The following RIT2 variants were observed in gnomAD, a reference collection of about 807,000 sequenced individuals.
The protein encoded by RIT2 is GTP-binding protein Rit2.
In RIT2, 24 loss-of-function variants were observed where a neutral mutation model predicts 23.7. The observed-to-expected ratio is 1.01, with a 90% CI of 0.73 to 1.43. RIT2 has a LOEUF of 1.43. RIT2 is among the 40% of genes most tolerant of loss of function. RIT2 has a pLI of 0.00. For synonymous variants in RIT2, 107 were observed against 91.1 expected (o/e 1.17, Z -0.99); for missense variants, 236 against 266.9 (o/e 0.88, Z 0.81).
At chr18:42,914,291 C>G (rs905614995) in intron 4 of RIT2, among the ~76,000 whole-genome samples, 1 of 152,032 alleles carries the variant, frequency 6.6e-6, no homozygotes, top group African/African-American at 2.4e-5. Context: ...TTTGCTCTTG[C>G]GCATTTATTC....
chr18:42,750,910 G>T (rs1414718064), intron 4 of RIT2, among the ~76,000 whole-genome samples: 1 of 151,750 alleles, frequency 6.6e-6, no homozygotes, highest in Non-Finnish European at 1.5e-5. Context: ...AAATAGAGAA[G>T]AAATATTTGA....
chr18:43,113,500 G>A (rs1220180483), intron 1 of RIT2, among the ~76,000 whole-genome samples: 1 of 152,146 alleles, frequency 6.6e-6, no homozygotes, highest in Non-Finnish European at 1.5e-5. Context: ...GAGCAAGCCA[G>A]GCCACTCTGT....
chr18:42,837,330 G>A (rs1259115902), intron 4 of RIT2, among the ~76,000 whole-genome samples: 1 of 151,416 alleles, frequency 6.6e-6, no homozygotes, highest in East Asian at 1.9e-4. Flanking sequence ...ACCAAGCCTG[G>A]ATAACTTTTG....
Position 42,905,769 on chromosome 18 carries a change from G to A in RIT2, c.426+17803C>T, listed in dbSNP as rs144906294. 7.3e-5 allele frequency among the ~76,000 whole-genome samples: 11 copies of A among 151,610 alleles called. 1 individual carries two copies. The highest frequency in any genetic ancestry group is 2.0e-4 in the Admixed American group (3 of 15,184). On this transcript the variant is annotated intron_variant, in intron 4 of 4. Transcript: ENST00000326695. ...ATTACAGGCGTGAGCCACCGTGCCC[G>A]GCCAAACACATGTATTTTTGATATT...
chr18:42,986,557 A>G (rs1424061300), intron 2 of RIT2, among the ~76,000 whole-genome samples: 2 of 152,064 alleles, frequency 1.3e-5, no homozygotes, highest in East Asian at 3.9e-4. Context: ...GCGGGAGTGC[A>G]GTGGCATGAT....
intron 4 of RIT2, among the ~76,000 whole-genome samples, chr18:42,799,372 T>C (rs992400791): frequency 6.6e-6 from 1 of 152,206 alleles, no homozygotes; most frequent in African/African-American, 2.4e-5. Context: ...TCATAAATAA[T>C]CATCTTTCAT....
In RIT2 at chr18:43,036,128, G is replaced by C. The variant is rs956795337; in HGVS notation, c.104-2261C>G. Among the ~76,000 whole-genome samples, 4 of 152,296 alleles carry C rather than the reference G, an allele frequency of 2.6e-5. No homozygotes were observed. In the South Asian group the frequency reaches 8.3e-4, roughly 32 times the overall value. ...AGAAATTTTGAACAAATTTAAGAAA[G>C]AAGATATGAAAGCATTTTAATAAAT... On this transcript the variant is annotated intron_variant, in intron 1 of 4. Coordinates refer to ENST00000326695, the MANE Select transcript of RIT2 (RefSeq NM_002930.4).
intron 1 of RIT2, among the ~76,000 whole-genome samples, chr18:43,042,474 G>C (rs1469367314): frequency 6.6e-6 from 1 of 152,104 alleles, no homozygotes; most frequent in African/African-American, 2.4e-5. Flanking sequence ...CTTTGTTGGT[G>C]CTTCTACCTC....
intron 1 of RIT2, among the ~76,000 whole-genome samples, chr18:43,035,013 T>A (rs1911942697): frequency 6.6e-6 from 1 of 152,240 alleles, no homozygotes; most frequent in South Asian, 2.1e-4. Context: ...ATGGAAATAG[T>A]TCCTGGATTA....
intron 4 of RIT2, among the ~76,000 whole-genome samples, chr18:42,899,126 T>C (rs1486085005): frequency 6.6e-6 from 1 of 151,932 alleles, no homozygotes; most frequent in Non-Finnish European, 1.5e-5. Flanking sequence ...CATCTATTGG[T>C]TATTCTTTTT....
chr18:43,056,364 C>A (rs1055082202), intron 1 of RIT2, among the ~76,000 whole-genome samples: 5 of 152,076 alleles, frequency 3.3e-5, no homozygotes, highest in Admixed American at 2.0e-4. Context: ...TCAAAAAAAA[C>A]GATGAAAGTA....
intron 3 of RIT2, among the ~76,000 whole-genome samples, chr18:42,967,152 C>A (rs1215504400): frequency 6.6e-6 from 1 of 151,770 alleles, no homozygotes; most frequent in Non-Finnish European, 1.5e-5. Flanking sequence ...AGAAATATAT[C>A]CTTTATGATA....
intron 4 of RIT2, among the ~76,000 whole-genome samples, chr18:42,782,793 A>G (rs1913840963): frequency 6.6e-6 from 1 of 152,150 alleles, no homozygotes; most frequent in Non-Finnish European, 1.5e-5. Flanking sequence ...AAATGTTTCA[A>G]TGACAAGACA....
At chr18:43,107,376 T>C (rs1438680856) in intron 1 of RIT2, among the ~76,000 whole-genome samples, 1 of 152,176 alleles carries the variant, frequency 6.6e-6, no homozygotes, top group African/African-American at 2.4e-5. Context: ...AGGCTGTGTC[T>C]AATTCTTGGT....
intron 2 of RIT2, among the ~76,000 whole-genome samples, chr18:43,003,606 A>T (rs958575984): frequency 1.3e-5 from 2 of 151,914 alleles, no homozygotes; most frequent in Admixed American, 1.3e-4. Context: ...ACCAATGTCC[A>T]TAATAATTAG....
chr18:42,866,916 C>T (rs1907487024), intron 4 of RIT2, among the ~76,000 whole-genome samples: 1 of 152,134 alleles, frequency 6.6e-6, no homozygotes, highest in Middle Eastern at 3.4e-3. Flanking sequence ...TGTTTGATTG[C>T]ACCTAGTTCT....
chr18:42,810,004 T>C (rs1004363346), intron 4 of RIT2, among the ~76,000 whole-genome samples: 1 of 146,564 alleles, frequency 6.8e-6, no homozygotes, highest in African/African-American at 2.5e-5. Context: ...AACATATATG[T>C]ATAAGTTATA....
chr18:42,778,949 T>C (rs1371217678), intron 4 of RIT2, among the ~76,000 whole-genome samples: 1 of 152,188 alleles, frequency 6.6e-6, no homozygotes, highest in Admixed American at 6.5e-5. Context: ...ATTAAACTCA[T>C]TGACTTACTA....
At chr18:42,786,040 C>G (rs1279215359) in intron 4 of RIT2, among the ~76,000 whole-genome samples, 1 of 152,020 alleles carries the variant, frequency 6.6e-6, no homozygotes, top group African/African-American at 2.4e-5. Flanking sequence ...ATGAGTAGAA[C>G]AGTAATTCAC....
Sources: gnomAD v4.1 joint callset for allele counts (sites outside exome capture counted in the v4.1 genomes callset) on GRCh38, gnomAD v4.1.1 for gene constraint, MANE v1.5 for transcripts, NCBI Gene and HGNC (gene_info 2026-07-23, HGNC 2026-07-21) for gene names.